Variants in ZCCHC10 observed in about 807,000 individuals in gnomAD.
ZCCHC10 encodes the protein zinc finger CCHC domain-containing protein 10.
Under a neutral mutation model 19.5 loss-of-function variants are expected in ZCCHC10, and 16 were observed. That is an observed-to-expected ratio of 0.82 (90% CI 0.56 to 1.25). ZCCHC10 has a LOEUF of 1.25. ZCCHC10 is among the 50% of genes most tolerant of loss of function. ZCCHC10 has a pLI of 0.00. For missense variants in ZCCHC10, 197 were observed against 201.0 expected (o/e 0.98, Z 0.12); for synonymous variants, 67 against 72.5 (o/e 0.92, Z 0.38).
At chr5:133,010,909 A>G (rs1355714988) in intron 2 of ZCCHC10, among the ~76,000 whole-genome samples, 1 of 152,014 alleles carries the variant, frequency 6.6e-6, no homozygotes, top group Non-Finnish European at 1.5e-5. Flanking sequence ...CTCCTGCCTC[A>G]GCCTCCCAAG....
At chr5:133,011,110 T>C (rs1349108900) in intron 2 of ZCCHC10, among the ~76,000 whole-genome samples, 2 of 151,636 alleles carry the variant, frequency 1.3e-5, no homozygotes, top group Non-Finnish European at 1.5e-5. Flanking sequence ...CTTTTTAATT[T>C]AAAAATATTT....
At chr5:133,004,980 T>G (rs1277096225) in intron 3 of ZCCHC10, among the ~76,000 whole-genome samples, 1 of 152,004 alleles carries the variant, frequency 6.6e-6, no homozygotes, top group East Asian at 1.9e-4. Context: ...CATCTTCAAT[T>G]TTGTTGAGGG....
intron 3 of ZCCHC10, 28 bp downstream of exon 3, chr5:133,006,731 T>C (rs1404472935): frequency 1.9e-6 from 3 of 1,564,150 alleles, no homozygotes; most frequent in Non-Finnish European, 2.6e-6. Context: ...TAAAAAAATA[T>C]TCCTTTGGAT....
rs546949809 is a variant in ZCCHC10 at position 132,997,669 on chromosome 5, T to C, written c.*914A>G. 2.0e-5 allele frequency: 3 copies of C among 152,284 alleles called. No individual in the cohort carries two copies. In the East Asian group the frequency reaches 5.8e-4, roughly 29 times the overall value. 9.4% of individuals were successfully genotyped at this position (152,284 alleles called of 1,614,324 possible). Reference sequence around the variant, plus strand: ...TTCAAAAATAGCAAAAAGCAATCTTTATGAAAGCTTAAAAAAAGCTTTTAA... The same window carrying C: ...TTCAAAAATAGCAAAAAGCAATCTTCATGAAAGCTTAAAAAAAGCTTTTAA... On this transcript the variant is annotated 3_prime_UTR_variant, in exon 5 of 5. Transcript: ENST00000509437.
At chr5:133,004,530 C>T (rs937110644) in intron 3 of ZCCHC10, among the ~76,000 whole-genome samples, 6 of 151,064 alleles carry the variant, frequency 4.0e-5, no homozygotes, top group Non-Finnish European at 8.8e-5. Flanking sequence ...CTCTGTCACC[C>T]GGGCTAGAGT....
chr5:133,009,712 G>A (rs1197797300), intron 2 of ZCCHC10, among the ~76,000 whole-genome samples: 3 of 151,454 alleles, frequency 2.0e-5, no homozygotes, highest in Admixed American at 6.6e-5. Context: ...TCTGTCCATC[G>A]CAACAGGGTA....
intron 2 of ZCCHC10, among the ~76,000 whole-genome samples, chr5:133,019,591 G>A (rs368040142): frequency 6.6e-6 from 1 of 152,100 alleles, no homozygotes; most frequent in Non-Finnish European, 1.5e-5. Flanking sequence ...AATGGACACC[G>A]CTGGTAAGAA....
intron 3 of ZCCHC10, 28 bp downstream of exon 3, chr5:133,006,731 T>A: frequency 6.4e-7 from 1 of 1,564,268 alleles, no homozygotes; most frequent in Non-Finnish European, 8.6e-7. Context: ...TAAAAAAATA[T>A]TCCTTTGGAT....
chr5:133,017,689 C>G (rs567948035), intron 2 of ZCCHC10, among the ~76,000 whole-genome samples: 11 of 151,942 alleles, frequency 7.2e-5, no homozygotes, highest in Non-Finnish European at 1.6e-4. Flanking sequence ...GCAGTATTCT[C>G]AAAATTGGAA....
In ZCCHC10 at chr5:132,997,482, T is replaced by C. The variant is rs955371171; in HGVS notation, c.*1101A>G. On this transcript the variant is annotated 3_prime_UTR_variant, in exon 5 of 5. Transcript: ENST00000509437. ...AAGACTCATCACAATAACAGCATTT[T>C]ACTTTTAAGAAATATTGTGCAGTAT... The C allele has an allele frequency of 1.3e-5, 2 of 152,198 alleles. No homozygotes were observed. The highest frequency in any genetic ancestry group is 2.9e-5 in the Non-Finnish European group (2 of 68,014). 9.4% of individuals were successfully genotyped at this position (152,198 alleles called of 1,614,324 possible). A position where few individuals can be genotyped will look rare whatever the true frequency, so the allele number is the denominator to read the frequency against.
chr5:133,017,267 C>T (rs561088549), intron 2 of ZCCHC10, among the ~76,000 whole-genome samples: 23 of 152,272 alleles, frequency 1.5e-4, no homozygotes, highest in African/African-American at 5.5e-4. Flanking sequence ...GCCAAGTTGA[C>T]CCTCTGCATA....
chr5:132,998,694 G>A lies in ZCCHC10; in HGVS notation c.468C>T (p.Thr156=). 6.2e-7 allele frequency: 1 copy of A among 1,614,170 alleles called. No individual in the cohort carries two copies. Among genetic ancestry groups the A allele is most frequent in the Middle Eastern group, 1.6e-4 (1 of 6,062 alleles). ...SSSSSSASST[T]SSSSSDSDSD... is the part of the protein sequence containing the mutation. ...AGTCTGAATCAGAGGAGGAGGAAGA[G>A]GTTGTGGAGGAGGCTGAGGATGAGG... The change falls in exon 5 of 5, where the codon ACC becomes ACT. Residue 156 remains threonine (T), a synonymous_variant. Coordinates refer to ENST00000509437, the MANE Select transcript of ZCCHC10 (RefSeq NM_001300816.3).
intron 2 of ZCCHC10, among the ~76,000 whole-genome samples, chr5:133,011,108 T>G (rs1490255155): frequency 2.6e-5 from 4 of 151,420 alleles, no homozygotes; most frequent in Non-Finnish European, 5.9e-5. Flanking sequence ...AACTTTTTAA[T>G]TTAAAAATAT....
At chr5:133,000,304 A>AC (rs1209728663) in intron 3 of ZCCHC10, 131 bp from the exon 4 acceptor site, 1 of 991,980 alleles carries the variant, frequency 1.0e-6, no homozygotes, top group Non-Finnish European at 1.5e-6. Context: ...CATACAGAGT[A>AC]CAGTATTTCT....
rs186627128 is a variant in ZCCHC10 at position 132,998,226 on chromosome 5, C to T, written c.*357G>A. The T allele has an allele frequency of 2.8e-4, 48 of 174,530 alleles. No homozygotes were observed. The highest frequency in any genetic ancestry group is 9.6e-4 in the African/African-American group (40 of 41,846). The allele number at this position is 174,530 out of a possible 1,614,324, so 10.8% of individuals were successfully genotyped here. Reference sequence around the variant, plus strand: ...AGAAATCCACTGCCAGATATCCTGACGCACCATCCTGAAAATATGTCTGAT... The same window carrying T: ...AGAAATCCACTGCCAGATATCCTGATGCACCATCCTGAAAATATGTCTGAT... On this transcript the variant is annotated 3_prime_UTR_variant, in exon 5 of 5. Coordinates refer to ENST00000509437, the MANE Select transcript of ZCCHC10 (RefSeq NM_001300816.3).
At chr5:133,025,547 G>A (rs565199118) in intron 1 of ZCCHC10, among the ~76,000 whole-genome samples, 4 of 150,226 alleles carry the variant, frequency 2.7e-5, no homozygotes, top group Non-Finnish European at 4.4e-5. Context: ...AGGGGCATCT[G>A]GGGTGACCCT....
At chr5:133,013,492 G>A (rs2126615486) in intron 2 of ZCCHC10, among the ~76,000 whole-genome samples, 1 of 152,208 alleles carries the variant, frequency 6.6e-6, no homozygotes, top group Admixed American at 6.5e-5. Context: ...GGAAGGCTGA[G>A]GCGGGCAGAT....
chr5:133,017,706 T>C lies in ZCCHC10; in HGVS notation c.107+5135A>G, dbSNP rs141117563. Among the ~76,000 whole-genome samples, 369 of 152,226 alleles carry C rather than the reference T, an allele frequency of 2.4e-3. 3 individuals are homozygous for C. The highest frequency in any genetic ancestry group is 7.9e-3 in the African/African-American group (328 of 41,546). On this transcript the variant is annotated intron_variant, in intron 2 of 4. Coordinates refer to ENST00000509437, the MANE Select transcript of ZCCHC10 (RefSeq NM_001300816.3). ...AGTATTCTCAAAATTGGAAATAATA[T>C]GAAAGTAGAACAGAAGTTTGTGGTA...
At chr5:133,022,437 C>A (rs1289954430) in intron 2 of ZCCHC10, among the ~76,000 whole-genome samples, 4 of 150,976 alleles carry the variant, frequency 2.6e-5, no homozygotes, top group African/African-American at 9.7e-5. Flanking sequence ...TTATGGCCTG[C>A]ATGGTTTGGT....
Sources: allele counts gnomAD v4.1 joint callset (sites outside exome capture counted in the v4.1 genomes callset), GRCh38; gene constraint gnomAD v4.1.1; transcripts MANE v1.5; gene names NCBI Gene and HGNC (gene_info 2026-07-23, HGNC 2026-07-21).